The following FAM184B variants were observed in gnomAD, a reference collection of about 807,000 sequenced individuals.
FAM184B encodes the protein protein FAM184B.
In FAM184B, 111 loss-of-function variants were observed where a neutral mutation model predicts 135.9. The observed-to-expected ratio is 0.82, with a 90% CI of 0.70 to 0.96. The LOEUF (loss-of-function observed/expected upper bound fraction) is 0.96. Ranked by LOEUF, FAM184B falls within the 40% of genes least tolerant of loss-of-function variation. The pLI, the probability that FAM184B is intolerant of heterozygous loss-of-function variation, is 0.00. For missense variants in FAM184B, 1,375 were observed against 1,323.9 expected (o/e 1.04, Z -0.60); for synonymous variants, 552 against 524.8 (o/e 1.05, Z -0.71).
intron 1 of FAM184B, among the ~76,000 whole-genome samples, chr4:17,733,457 C>T (rs982439124): frequency 1.3e-5 from 2 of 152,196 alleles, no homozygotes; most frequent in African/African-American, 4.8e-5. Flanking sequence ...CCAAAATCTC[C>T]TTAAGCTGAT....
intron 8 of FAM184B, among the ~76,000 whole-genome samples, chr4:17,664,188 G>T (rs775409900): frequency 6.6e-6 from 1 of 152,156 alleles, no homozygotes; most frequent in Non-Finnish European, 1.5e-5. Flanking sequence ...ACTGACATAG[G>T]TGGTATAGGT....
intron 8 of FAM184B, 140 bp from the exon 9 acceptor site, chr4:17,660,227 G>A (rs1386866302): frequency 1.9e-6 from 2 of 1,065,682 alleles, no homozygotes; most frequent in East Asian, 2.6e-5. Context: ...ATCTTGCTTG[G>A]CTTTCAAAAA....
chr4:17,691,022 C>T (rs1306425653), intron 6 of FAM184B, among the ~76,000 whole-genome samples: 2 of 152,210 alleles, frequency 1.3e-5, no homozygotes, highest in East Asian at 1.9e-4. Context: ...AAGACTGAGG[C>T]CCTTTGTCAA....
chr4:17,670,446 T>G (rs949664722), intron 7 of FAM184B, among the ~76,000 whole-genome samples: 2 of 152,112 alleles, frequency 1.3e-5, no homozygotes, highest in African/African-American at 4.8e-5. Context: ...TATTAGAGAT[T>G]AAAAAGAATT....
intron 10 of FAM184B, among the ~76,000 whole-genome samples, chr4:17,653,347 A>G (rs971859712): frequency 2.6e-5 from 4 of 152,178 alleles, no homozygotes; most frequent in Non-Finnish European, 5.9e-5. Flanking sequence ...TAAGGTAACT[A>G]TCTGACATCT....
intron 6 of FAM184B, 36 bp from the exon 7 acceptor site, chr4:17,688,567 C>CCAGGTTCTA: frequency 6.9e-7 from 1 of 1,441,480 alleles, no homozygotes; most frequent in Non-Finnish European, 9.5e-7. Flanking sequence ...CACAATGAAA[C>CCAGGTTCTA]CAGGTTCTAC....
At chr4:17,709,940 C>T (rs1717218875) in intron 1 of FAM184B, among the ~76,000 whole-genome samples, 2 of 152,128 alleles carry the variant, frequency 1.3e-5, no homozygotes, top group South Asian at 4.1e-4. Context: ...CAGTGGGAAT[C>T]CACGGAAGAG....
rs551526986 is a variant in FAM184B, at chr4:17,680,003, A to G, written c.1596+8421T>C. Among the ~76,000 whole-genome samples the G allele has an allele frequency of 3.3e-5, 5 of 152,292 alleles. 1 individual carries two copies. Among genetic ancestry groups the G allele is most frequent in the African/African-American group, 1.2e-4 (5 of 41,572 alleles). Reference sequence around the variant, plus strand: ...GGATGCAAAAGCATAAGAATGATACAGTGGACTTTGGGGACTTGGGGCAAA... The same window carrying G: ...GGATGCAAAAGCATAAGAATGATACGGTGGACTTTGGGGACTTGGGGCAAA... On this transcript the variant is annotated intron_variant, in intron 7 of 17. Coordinates refer to ENST00000265018, the MANE Select transcript of FAM184B (RefSeq NM_015688.2).
chr4:17,762,019 A>ATTTTGTTTG (rs1718559066), intron 1 of FAM184B, among the ~76,000 whole-genome samples: 2 of 147,174 alleles, frequency 1.4e-5, no homozygotes, highest in African/African-American at 5.4e-5. Flanking sequence ...AGGGCTCTTC[A>ATTTTGTTTG]TTTTGTTTTG....
chr4:17,690,362 G>A lies in FAM184B; in HGVS notation c.1489-1831C>T, dbSNP rs555180906. Among the ~76,000 whole-genome samples the A allele has an allele frequency of 3.9e-5, 6 of 152,254 alleles. 1 individual carries two copies. In the South Asian group the frequency reaches 6.2e-4, roughly 16 times the overall value. ...TGTTGGAGGGGCCAGAGTGAAGGAC[G>A]GGACAGAGGCAGCAGAGCCTTGGAG... On this transcript the variant is annotated intron_variant, in intron 6 of 17. Coordinates refer to ENST00000265018, the MANE Select transcript of FAM184B (RefSeq NM_015688.2).
intron 16 of FAM184B, 49 bp downstream of exon 16, chr4:17,634,960 G>A (rs757785061): frequency 3.7e-5 from 51 of 1,363,678 alleles, no homozygotes; most frequent in Middle Eastern, 1.8e-4. Flanking sequence ...TAAGAAAAAC[G>A]AAACCAATGG....
rs184707240 is a variant in FAM184B, at chr4:17,664,582, G to T, written c.1674C>A (p.Thr558=). 6.4e-7 allele frequency: 1 copy of T among 1,551,504 alleles called. No individual in the cohort carries two copies. Among genetic ancestry groups the T allele is most frequent in the Non-Finnish European group, 8.7e-7 (1 of 1,146,852 alleles). The change falls in exon 8 of 18, where the codon ACC becomes ACA. Residue 558 remains threonine (T), a synonymous_variant. Transcript: ENST00000265018. The part of the protein sequence containing the change: ...YQDKLAAEEG[T]SSDEEERTKV... The stretch of plus-strand genomic sequence containing the variant: ...TGTACCTTTCTTCTTCATCACTGCT[G>T]GTTCCTTCTTCAGCTGCTAACTTAT...
intron 1 of FAM184B, among the ~76,000 whole-genome samples, chr4:17,746,627 G>T (rs951839307): frequency 4.6e-5 from 7 of 151,866 alleles, no homozygotes; most frequent in Non-Finnish European, 8.8e-5. Context: ...AGCTACTCAG[G>T]AGGCTGAGGC....
chr4:17,651,997 G>A (rs1460981640), intron 11 of FAM184B, among the ~76,000 whole-genome samples: 1 of 152,156 alleles, frequency 6.6e-6, no homozygotes, highest in Non-Finnish European at 1.5e-5. Flanking sequence ...ATGAGAGGTT[G>A]AGGCAATGCC....
chr4:17,714,420 G>A (rs1717363496), intron 1 of FAM184B, among the ~76,000 whole-genome samples: 1 of 152,146 alleles, frequency 6.6e-6, no homozygotes, highest in Non-Finnish European at 1.5e-5. Context: ...AGGCCTTAGA[G>A]GAAGGCAGAG....
rs1348140598 is a variant in FAM184B at position 17,647,568 on chromosome 4, G to T, written c.2346+69C>A. 5.4e-6 allele frequency: 8 copies of T among 1,494,458 alleles called. No homozygotes were observed. In the African/African-American group the frequency reaches 1.1e-4, roughly 21 times the overall value. 92.6% of individuals were successfully genotyped at this position (1,494,458 alleles called of 1,614,324 possible). On this transcript the variant is annotated intron_variant, in intron 12 of 17. Coordinates refer to ENST00000265018, the MANE Select transcript of FAM184B (RefSeq NM_015688.2). ...TCAGCCTCAGAGCCCATCCTTTATG[G>T]GGCTTCTTACTGCGGCCCTGATGCT...
At chr4:17,765,352 G>A (rs1475257485) in intron 1 of FAM184B, among the ~76,000 whole-genome samples, 1 of 151,932 alleles carries the variant, frequency 6.6e-6, no homozygotes, top group African/African-American at 2.4e-5. Context: ...TCTACCTCAA[G>A]GAAACGTCTA....
intron 14 of FAM184B, among the ~76,000 whole-genome samples, chr4:17,638,804 G>C (rs973588496): frequency 2.0e-5 from 3 of 150,610 alleles, no homozygotes; most frequent in African/African-American, 5.0e-5. Context: ...CTCATAAAAT[G>C]AAGGGAGACT....
At chr4:17,677,507 A>G (rs1339740890) in intron 7 of FAM184B, among the ~76,000 whole-genome samples, 3 of 152,232 alleles carry the variant, frequency 2.0e-5, no homozygotes, top group African/African-American at 7.2e-5. Context: ...GAACAGGCCA[A>G]TAACAAGCAG....
Sources: gnomAD v4.1 joint callset for allele counts (sites outside exome capture counted in the v4.1 genomes callset) on GRCh38, gnomAD v4.1.1 for gene constraint, MANE v1.5 for transcripts, NCBI Gene and HGNC (gene_info 2026-07-23, HGNC 2026-07-21) for gene names.